Variants in FAT1 observed in about 807,000 individuals in gnomAD.
FAT1 encodes protocadherin Fat 1.
Under a neutral mutation model 329.8 loss-of-function variants are expected in FAT1, and 171 were observed. That is an observed-to-expected ratio of 0.52 (90% CI 0.46 to 0.59). FAT1 has a LOEUF of 0.59. Ranked by LOEUF, FAT1 falls within the 20% of genes least tolerant of loss-of-function variation. The pLI is 0.00. For missense variants in FAT1, 5,672 were observed against 5,774.4 expected, an observed-to-expected ratio of 0.98 and a Z score of 0.57; for synonymous variants, 2,233 against 2,228.6, an observed-to-expected ratio of 1.00 and a Z score of -0.06.
At position 186,613,314 on chromosome 4, in the gene FAT1, A is replaced by T. The variant is rs1168499076; in HGVS notation, c.9258T>A (p.Asp3086Glu). ...TGELKTSTPL[D>E]REEQAVYHLL... The stretch of plus-strand genomic sequence containing the variant: ...GATGATAAACAGCTTGCTCCTCACG[A>T]TCAAGGGGGGTTGACGTTTTCAGTT... Residue 3086 changes from aspartate (D) to glutamate (E), a missense_variant, in exon 13 of 27, where the codon GAT becomes GAA. Physicochemically the swap from Asp to Glu is conservative, Grantham distance 45. This residue lies in a region of FAT1 where 3,966 missense variants were observed against 3,915.2 expected (regional missense o/e 1.01). Transcript: ENST00000441802. The T allele has an allele frequency of 2.5e-6, 4 of 1,613,910 alleles. No individual in the cohort carries two copies. Among genetic ancestry groups the T allele is most frequent in the Non-Finnish European group, 3.4e-6 (4 of 1,179,900 alleles).
In FAT1 at chr4:186,597,580, T is replaced by G; in HGVS notation, c.12368+102A>C. The stretch of plus-strand genomic sequence containing the variant: ...GGGGCCAATATGAGGATTATCAAAA[T>G]CTGACATAATGTAGTTCAAATCACT... On this transcript the variant is annotated intron_variant, in intron 24 of 26. Transcript: ENST00000441802. 5.3e-6 allele frequency: 4 copies of G among 759,252 alleles called. No homozygotes were observed. The South Asian group carries it at 6.6e-5, about 13-fold the overall frequency. The allele number at this position is 759,252 out of a possible 1,614,324, so 47.0% of individuals were successfully genotyped here.
chr4:186,621,712 A>G lies in FAT1; in HGVS notation c.4874T>C (p.Leu1625Ser), dbSNP rs752377270. The G allele has an allele frequency of 6.2e-6, 10 of 1,613,000 alleles. No homozygotes were observed. In the African/African-American group the frequency reaches 1.2e-4, roughly 19 times the overall value. Reference sequence around the variant, plus strand: ...ATACTCCGCTTGGTTACTTCGATCTAATTCTTTGGCAGTTTTAATAGAGCC... The same window carrying G: ...ATACTCCGCTTGGTTACTTCGATCTGATTCTTTGGCAGTTTTAATAGAGCC... Reference protein sequence around the residue: ...VLGSIKTAKELDRSNQAEYDL... With the variant: ...VLGSIKTAKESDRSNQAEYDL... The change falls in exon 10 of 27, where the codon TTA becomes TCA. Residue 1625 changes from leucine to serine, a missense_variant. Physicochemically the swap from Leu to Ser is moderately radical, Grantham distance 145. This residue lies in a region of FAT1 where 3,966 missense variants were observed against 3,915.2 expected (regional missense o/e 1.01). Coordinates refer to ENST00000441802, the MANE Select transcript of FAT1 (RefSeq NM_005245.4).
intron 16 of FAT1, among the ~76,000 whole-genome samples, 190 bp downstream of exon 16, chr4:186,608,993 C>G (rs1739268019): frequency 6.6e-6 from 1 of 152,198 alleles, no homozygotes; most frequent in Non-Finnish European, 1.5e-5. Context: ...CAAACTTTAT[C>G]CTAGCATGGA....
intron 1 of FAT1, among the ~76,000 whole-genome samples, chr4:186,711,813 C>T (rs921062742): frequency 6.6e-6 from 1 of 152,004 alleles, no homozygotes; most frequent in African/African-American, 2.4e-5. Flanking sequence ...TCAGTTACTC[C>T]AGAGGCTGAG....
At chr4:186,609,737 TA>T in intron 15 of FAT1, 63 bp downstream of exon 15, 2 of 1,156,706 alleles carry the variant, frequency 1.7e-6, no homozygotes, top group Non-Finnish European at 2.6e-6. Flanking sequence ...TTGATTTTAC[TA>T]AAAACTTTTG....
chr4:186,625,892 G>C (rs1228944553), intron 9 of FAT1, among the ~76,000 whole-genome samples: 2 of 152,156 alleles, frequency 1.3e-5, no homozygotes, highest in African/African-American at 4.8e-5. Flanking sequence ...ACCATGCCCA[G>C]GAGGAACACT....
In FAT1 at chr4:186,619,339, T is replaced by C; in HGVS notation, c.7247A>G (p.Asp2416Gly). 1 of 1,614,072 alleles carries C rather than the reference T, an allele frequency of 6.2e-7. No homozygotes were observed. The highest frequency in any genetic ancestry group is 8.5e-7 in the Non-Finnish European group (1 of 1,179,908). ...CTTGTCTATGTCTGAACTGTCTGCA[T>C]CATAGGCTTTTACACAGGTCACGAA... ...GHFVTCVKAYDADSSDIDKLQ... is the reference protein window; with the variant it reads ...GHFVTCVKAYGADSSDIDKLQ... Residue 2416 changes from aspartate (D) to glycine (G), a missense_variant, in exon 10 of 27, where the codon GAT becomes GGT. This residue lies in a region of FAT1 where 3,966 missense variants were observed against 3,915.2 expected (regional missense o/e 1.01). Coordinates refer to ENST00000441802, the MANE Select transcript of FAT1 (RefSeq NM_005245.4).
Position 186,620,091 on chromosome 4 carries a change from T to G in FAT1, c.6495A>C (p.Ser2165=). ...VAKDGGNPAF[S]AEVIVPITVM... is the part of the protein sequence containing the mutation. Reference sequence around the variant, plus strand: ...CAGTGATCGGAACGATAACTTCCGCTGAAAAGGCCGGGTTCCCTCCATCTT... The same window carrying G: ...CAGTGATCGGAACGATAACTTCCGCGGAAAAGGCCGGGTTCCCTCCATCTT... Residue 2165 remains serine (S), a synonymous_variant, in exon 10 of 27, where the codon TCA becomes TCC. Coordinates refer to ENST00000441802, the MANE Select transcript of FAT1 (RefSeq NM_005245.4). The G allele has an allele frequency of 1.2e-6, 2 of 1,614,028 alleles. No homozygotes were observed. The highest frequency in any genetic ancestry group is 1.7e-6 in the Non-Finnish European group (2 of 1,179,890).
Position 186,619,484 on chromosome 4 carries a change from G to A in FAT1, c.7102C>T (p.Pro2368Ser), listed in dbSNP as rs1350895357. The A allele has an allele frequency of 6.2e-7, 1 of 1,613,960 alleles. No homozygotes were observed. Among genetic ancestry groups the A allele is most frequent in the Non-Finnish European group, 8.5e-7 (1 of 1,179,886 alleles). The change falls in exon 10 of 27, where the codon CCC becomes TCC. Residue 2368 changes from proline to serine, a missense_variant. Pro to Ser is a moderately conservative substitution (Grantham distance 74, BLOSUM62 -1). Coordinates refer to ENST00000441802, the MANE Select transcript of FAT1 (RefSeq NM_005245.4). ...ACAATCACATCACTGCTCAGCGTGG[G>A]CATACCACCATCAACTGCCCTCACA... ...IFVRAVDGGMPTLSSDVIVTV... is the reference protein window; with the variant it reads ...IFVRAVDGGMSTLSSDVIVTV...
chr4:186,616,039 G>A lies in FAT1; in HGVS notation c.9075+966C>T, dbSNP rs919371173. The stretch of plus-strand genomic sequence containing the variant: ...ACTCATGTAGAAAGTCGGGCTCGAT[G>A]GCATGCTGGCTGGCTGTCACACCAG... On this transcript the variant is annotated intron_variant, in intron 11 of 26. Transcript: ENST00000441802. Among the ~76,000 whole-genome samples the A allele has an allele frequency of 3.9e-5, 6 of 152,008 alleles. 1 individual carries two copies. Among genetic ancestry groups the A allele is most frequent in the Admixed American group, 3.9e-4 (6 of 15,256 alleles).
Position 186,645,966 on chromosome 4 carries a change from T to TAC in FAT1, c.3581-6184_3581-6183insGT, listed in dbSNP as rs1307077094. Among the ~76,000 whole-genome samples the TAC allele has an allele frequency of 1.0e-3, 82 of 80,520 alleles. 5 individuals carry two copies. The highest frequency in any genetic ancestry group is 3.5e-3 in the East Asian group (12 of 3,386). 52.8% of individuals were successfully genotyped at this position (80,520 alleles called of 152,430 possible). A position where few individuals can be genotyped will look rare whatever the true frequency, so the allele number is the denominator to read the frequency against. ...CTCACAAAAAAAAAAAAAAAAAATA[T>TAC]ATACACACACACACACACACACACA... On this transcript the variant is annotated intron_variant, in intron 3 of 26. Transcript: ENST00000441802.
chr4:186,628,024 C>G, intron 9 of FAT1, 130 bp downstream of exon 9: 1 of 963,640 alleles, frequency 1.0e-6, no homozygotes, highest in Non-Finnish European at 1.5e-6. Flanking sequence ...AAAATTGTAT[C>G]TAGAGATCAA....
chr4:186,649,439 T>C (rs961268535), intron 3 of FAT1, among the ~76,000 whole-genome samples: 6 of 152,198 alleles, frequency 3.9e-5, no homozygotes, highest in African/African-American at 1.4e-4. Context: ...CTGATGTGGA[T>C]AAGCATCCCT....
rs1260367824 is a variant in FAT1 at position 186,619,584 on chromosome 4, A to T, written c.7002T>A (p.His2334Gln). 6.2e-7 allele frequency: 1 copy of T among 1,613,960 alleles called. No individual in the cohort carries two copies. Among genetic ancestry groups the T allele is most frequent in the East Asian group, 2.2e-5 (1 of 44,878 alleles). ...GNHSKSHDHF[H>Q]VDSSTGLISL... ...AGATGAGGCCAGTGCTGCTGTCTAC[A>T]TGAAAATGATCATGACTCTTGCTGT... is the stretch of plus-strand genomic sequence containing the variant. The change falls in exon 10 of 27, where the codon CAT becomes CAA. Residue 2334 changes from histidine (H) to glutamine (Q), a missense_variant. Coordinates refer to ENST00000441802, the MANE Select transcript of FAT1 (RefSeq NM_005245.4).
intron 3 of FAT1, among the ~76,000 whole-genome samples, chr4:186,659,248 T>C (rs1246532461): frequency 6.6e-6 from 1 of 152,196 alleles, no homozygotes; most frequent in African/African-American, 2.4e-5. Flanking sequence ...ACACTCTACG[T>C]TGTCCACACA....
rs767041778 is a variant in FAT1 at position 186,636,725 on chromosome 4, C to G, written c.3832G>C (p.Asp1278His). ...TCTGCATTGGGGCCCTCATCCTTGT[C>G]GGTGGCTATGACGTGATAGAGCGGC... is the stretch of plus-strand genomic sequence containing the variant. ...REPLYHVIAT[D>H]KDEGPNAEIS... The change falls in exon 5 of 27, where the codon GAC becomes CAC. Residue 1278 changes from aspartate (D) to histidine (H), a missense_variant. Coordinates refer to ENST00000441802, the MANE Select transcript of FAT1 (RefSeq NM_005245.4). 1.2e-6 allele frequency: 2 copies of G among 1,613,800 alleles called. No individual in the cohort carries two copies. Among genetic ancestry groups the G allele is most frequent in the Non-Finnish European group, 1.7e-6 (2 of 1,179,854 alleles).
intron 9 of FAT1, among the ~76,000 whole-genome samples, chr4:186,624,079 T>C (rs1468421676): frequency 6.6e-6 from 1 of 152,224 alleles, no homozygotes; most frequent in Non-Finnish European, 1.5e-5. Context: ...AAAGTGCCCC[T>C]GCCTGGCCTA....
At position 186,600,017 on chromosome 4, in the gene FAT1, C is replaced by T. The variant is rs764490592; in HGVS notation, c.11984G>A (p.Ser3995Asn). The T allele has an allele frequency of 7.4e-6, 12 of 1,613,868 alleles. No individual in the cohort carries two copies. The Admixed American group carries it at 1.8e-4, about 25-fold the overall frequency. ...CACCGACTCTTCGATGTGTGCATAG[C>T]TTCTGGGTTTGCTGTTTAAAGGGAG... ...QELPLNSKPR[S>N]YAHIEESVDV... Residue 3995 changes from serine to asparagine, a missense_variant, in exon 22 of 27, where the codon AGC becomes AAC. By Grantham distance (46) the Ser-to-Asn change is conservative. Transcript: ENST00000441802.
chr4:186,615,046 C>T (rs1266039729), intron 11 of FAT1, among the ~76,000 whole-genome samples: 2 of 151,860 alleles, frequency 1.3e-5, no homozygotes, highest in East Asian at 3.9e-4. Context: ...AACTCAACTA[C>T]CAGTGAAGTA....
Sources: allele counts gnomAD v4.1 joint callset (sites outside exome capture counted in the v4.1 genomes callset), GRCh38; gene constraint gnomAD v4.1.1; regional missense constraint gnomAD v4.1.1; transcripts MANE v1.5; gene names NCBI Gene and HGNC (gene_info 2026-07-23, HGNC 2026-07-21).